Variants in NT5DC3 observed in about 807,000 individuals in gnomAD.
The protein encoded by NT5DC3 is 5'-nucleotidase domain containing 3.
NT5DC3 carries 42 observed loss-of-function variants against 67.8 expected under a neutral mutation model. The ratio of observed to expected loss-of-function variants is 0.62; its 90% CI spans 0.48 to 0.80. NT5DC3 has a LOEUF of 0.80. NT5DC3 is among the 30% of genes least tolerant of loss of function. NT5DC3 has a pLI of 0.00. For synonymous variants in NT5DC3, 237 were observed against 255.6 expected, an observed-to-expected ratio of 0.93 and a Z score of 0.69; for missense variants, 570 against 696.4, an observed-to-expected ratio of 0.82 and a Z score of 2.04.
chr12:103,786,195 A>G (rs1415045357), intron 11 of NT5DC3, among the ~76,000 whole-genome samples: 1 of 152,164 alleles, frequency 6.6e-6, no homozygotes, highest in African/African-American at 2.4e-5. Context: ...GCAGGTGGGG[A>G]TAAGTACAAG....
chr12:103,757,681 A>C, the NT5DC3 span, among the ~76,000 whole-genome samples: 1 of 152,258 alleles, frequency 6.6e-6, no homozygotes, highest in African/African-American at 2.4e-5. Context: ...GGAACAGTCC[A>C]ACAAAGGATG....
rs779781164 is a variant in NT5DC3 at position 103,777,697 on chromosome 12, C to T, written c.*132G>A. The T allele has an allele frequency of 4.3e-5, 46 of 1,074,840 alleles. No homozygotes were observed. Among genetic ancestry groups the T allele is most frequent in the Non-Finnish European group, 5.8e-5 (43 of 746,200 alleles). 66.6% of individuals were successfully genotyped at this position (1,074,840 alleles called of 1,614,324 possible). ...CTTAACCATTGGGAGAATTATTCTC[C>T]GTAAGGTACAAAATAAATATCAAAA... On this transcript the variant is annotated 3_prime_UTR_variant, in exon 14 of 14. Transcript: ENST00000392876.
chr12:103,750,174 A>G, the NT5DC3 span, among the ~76,000 whole-genome samples: 1 of 152,348 alleles, frequency 6.6e-6, no homozygotes, highest in South Asian at 2.1e-4. Flanking sequence ...GTTACAACAA[A>G]AAGACAGAGT....
intron 12 of NT5DC3, among the ~76,000 whole-genome samples, chr12:103,780,657 T>C (rs972908786): frequency 1.3e-5 from 2 of 152,266 alleles, no homozygotes; most frequent in Non-Finnish European, 2.9e-5. Context: ...ATAATGCATG[T>C]GTATCCATGT....
chr12:103,776,188 A>C lies in NT5DC3; in HGVS notation c.*1641T>G, dbSNP rs1885332822. On this transcript the variant is annotated 3_prime_UTR_variant, in exon 14 of 14. Transcript: ENST00000392876. ...TGCACTTTACATTGAAGGATACTAC[A>C]AATGCAGGTGCAATTAAGGATTCTT... 1 of 152,200 alleles carries C rather than the reference A, an allele frequency of 6.6e-6. No individual in the cohort carries two copies. The highest frequency in any genetic ancestry group is 2.4e-5 in the African/African-American group (1 of 41,448). 9.4% of individuals were successfully genotyped at this position (152,200 alleles called of 1,614,324 possible).
the NT5DC3 span, chr12:103,755,218 T>A: frequency 1.3e-6 from 2 of 1,552,322 alleles, no homozygotes; most frequent in South Asian, 2.4e-5. Flanking sequence ...TTTTATGGCC[T>A]AATAGGGGAA....
intron 1 of NT5DC3, chr12:103,822,094 T>C (rs541033755): frequency 6.6e-6 from 1 of 152,034 alleles, no homozygotes; most frequent in Admixed American, 6.5e-5. Flanking sequence ...AAAAGAAACA[T>C]GCGAGTCAGA....
chr12:103,786,170 G>A (rs1461764644), intron 11 of NT5DC3, among the ~76,000 whole-genome samples: 1 of 152,092 alleles, frequency 6.6e-6, no homozygotes, highest in Middle Eastern at 3.4e-3. Flanking sequence ...CAATAAATAA[G>A]TAAAATACAC....
chr12:103,838,154 C>T (rs1888230351), intron 1 of NT5DC3, among the ~76,000 whole-genome samples: 1 of 152,220 alleles, frequency 6.6e-6, no homozygotes. Flanking sequence ...GACTTATTCA[C>T]TATCATGAGA....
At chr12:103,763,478 G>C in the NT5DC3 span, 4 of 1,612,944 alleles carry the variant, frequency 2.5e-6, no homozygotes, top group Non-Finnish European at 3.4e-6. Flanking sequence ...TTTCATGCTT[G>C]TCTTTCCAAA....
At chr12:103,767,342 T>TATG (rs1171409705), downstream of NT5DC3, among the ~76,000 whole-genome samples, 1 of 152,238 alleles carries the variant, frequency 6.6e-6, no homozygotes, top group Non-Finnish European at 1.5e-5. Context: ...ATTCCATTTA[T>TATG]ATGAAATGGC....
intron 2 of NT5DC3, among the ~76,000 whole-genome samples, chr12:103,811,359 G>A (rs961629721): frequency 6.6e-6 from 1 of 152,186 alleles, no homozygotes; most frequent in South Asian, 2.1e-4. Flanking sequence ...AAGTAGGAAA[G>A]GGTTTGGAGG....
At chr12:103,755,755 G>GA in the NT5DC3 span, 2 of 1,606,342 alleles carry the variant, frequency 1.2e-6, no homozygotes, top group Middle Eastern at 1.7e-4. Context: ...CTCAGGCAGG[G>GA]AGGGGTTGCC....
intron 4 of NT5DC3, among the ~76,000 whole-genome samples, chr12:103,801,689 A>G (rs960540379): frequency 7.2e-5 from 11 of 151,782 alleles, no homozygotes; most frequent in Admixed American, 2.6e-4. Flanking sequence ...ACAGGCTGGC[A>G]TTTTTTTTAA....
At chr12:103,831,131 A>AC (rs1160986532) in intron 1 of NT5DC3, among the ~76,000 whole-genome samples, 1 of 151,778 alleles carries the variant, frequency 6.6e-6, no homozygotes, top group Admixed American at 6.6e-5. Flanking sequence ...AATCCCCATA[A>AC]CCCCCATGTG....
rs190087227 is a variant in NT5DC3, at chr12:103,805,095, T to G, written c.524+1227A>C. 2.0e-5 allele frequency among the ~76,000 whole-genome samples: 3 copies of G among 150,298 alleles called. No homozygotes were observed. The South Asian group carries it at 6.3e-4, about 32-fold the overall frequency. ...AAAGAGTGAACCAGGCAAGACCTTC[T>G]GAGTCATAATGTAAACAGTGACCAG... On this transcript the variant is annotated intron_variant, in intron 4 of 13. Coordinates refer to ENST00000392876, the MANE Select transcript of NT5DC3 (RefSeq NM_001031701.3).
At chr12:103,827,852 AT>A (rs1486106642) in intron 1 of NT5DC3, among the ~76,000 whole-genome samples, 1 of 152,202 alleles carries the variant, frequency 6.6e-6, no homozygotes, top group Non-Finnish European at 1.5e-5. Flanking sequence ...TGCAAAGAAG[AT>A]TTTTTTAAAG....
chr12:103,836,485 G>C (rs575794726), intron 1 of NT5DC3, among the ~76,000 whole-genome samples: 1 of 152,250 alleles, frequency 6.6e-6, no homozygotes, highest in Non-Finnish European at 1.5e-5. Flanking sequence ...AAATTTTAAA[G>C]CTCCAAAATG....
intron 2 of NT5DC3, 110 bp from the exon 3 acceptor site, chr12:103,807,039 G>C: frequency 1.5e-6 from 1 of 674,268 alleles, no homozygotes; most frequent in Non-Finnish European, 2.7e-6. Flanking sequence ...CCAGTGGGAG[G>C]TTGGGGTCAG....
Sources: allele counts gnomAD v4.1 joint callset (sites outside exome capture counted in the v4.1 genomes callset), GRCh38; gene constraint gnomAD v4.1.1; transcripts MANE v1.5; gene names NCBI Gene and HGNC (gene_info 2026-07-23, HGNC 2026-07-21).